AGAP1: variants seen among roughly 807,000 people sequenced by gnomAD.
AGAP1 encodes the protein ArfGAP with GTPase domain, ankyrin repeat and PH domain 1.
A neutral mutation model predicts 105.3 loss-of-function variants in AGAP1; 29 were observed. The ratio of observed to expected loss-of-function variants is 0.28; its 90% CI spans 0.21 to 0.38. The LOEUF is 0.38. Ranked by LOEUF, AGAP1 falls within the 10% of genes least tolerant of loss-of-function variation. AGAP1 has a pLI of 1.00. For missense variants in AGAP1, 998 were observed against 1,165.1 expected (o/e 0.86, Z 2.09); for synonymous variants, 509 against 485.9 (o/e 1.05, Z -0.63).
intron 11 of AGAP1, among the ~76,000 whole-genome samples, chr2:235,915,540 C>T (rs1032669695): frequency 6.6e-6 from 1 of 151,974 alleles, no homozygotes; most frequent in Non-Finnish European, 1.5e-5. Context: ...TTTAGCTGGG[C>T]ATAGTGGCGA....
At chr2:235,502,923 C>T (rs1349428790) in intron 1 of AGAP1, among the ~76,000 whole-genome samples, 3 of 132,502 alleles carry the variant, frequency 2.3e-5, no homozygotes, top group Admixed American at 8.4e-5. Flanking sequence ...CAGAACCGTA[C>T]CTTTAGAAAG....
intron 1 of AGAP1, among the ~76,000 whole-genome samples, chr2:235,594,720 T>C (rs553308696): frequency 6.6e-6 from 1 of 152,002 alleles, no homozygotes; most frequent in African/African-American, 2.4e-5. Flanking sequence ...TACAGATGCA[T>C]GCCACCACAC....
intron 1 of AGAP1, among the ~76,000 whole-genome samples, chr2:235,672,940 C>T (rs1416661594): frequency 6.6e-6 from 1 of 152,038 alleles, no homozygotes; most frequent in African/African-American, 2.4e-5. Flanking sequence ...CTTCTCTGGG[C>T]GGAATTACTT....
intron 13 of AGAP1, among the ~76,000 whole-genome samples, chr2:236,025,908 G>GTTGGTGGGTGGGTGGATGGA (rs1553548818): frequency 1.0e-5 from 1 of 100,314 alleles, no homozygotes; most frequent in Admixed American, 8.8e-5. Flanking sequence ...TCTCGGGTGG[G>GTTGGTGGGTGGGTGGATGGA]TGGATGGATG....
intron 12 of AGAP1, among the ~76,000 whole-genome samples, chr2:235,944,176 A>T (rs1286218061): frequency 6.6e-6 from 1 of 152,240 alleles, no homozygotes; most frequent in Non-Finnish European, 1.5e-5. Context: ...CTTAAATTAT[A>T]TACTTATTTA....
In AGAP1 at chr2:236,095,362, A is replaced by G. The variant is rs2059167135; in HGVS notation, c.2115-24830A>G. Among the ~76,000 whole-genome samples the G allele has an allele frequency of 6.6e-6, 1 of 152,162 alleles. No individual in the cohort carries two copies. The highest frequency in any genetic ancestry group is 6.5e-5 in the Admixed American group (1 of 15,274). On this transcript the variant is annotated intron_variant, in intron 16 of 17. Coordinates refer to ENST00000304032, the MANE Select transcript of AGAP1 (RefSeq NM_001037131.3). The surrounding 1 kb of genome is among the most constrained non-coding windows in gnomAD (Gnocchi z 4.1). ...CAGTGAGCCATGATCATGCCACTGC[A>G]TTCCAGCCTGGTTGACAGAGTTAGA...
At chr2:235,640,013 C>T (rs915943313) in intron 1 of AGAP1, among the ~76,000 whole-genome samples, 18 of 152,190 alleles carry the variant, frequency 1.2e-4, no homozygotes, top group African/African-American at 4.3e-4. Context: ...TCTCAGGAAG[C>T]GGTTAGCAGT....
intron 9 of AGAP1, among the ~76,000 whole-genome samples, chr2:235,839,369 T>C (rs765832237): frequency 3.0e-4 from 46 of 152,318 alleles, no homozygotes; most frequent in Non-Finnish European, 2.8e-4. Context: ...GTCACACTCA[T>C]TGGGCCTGGG....
chr2:236,048,307 G>A (rs1244775955), intron 15 of AGAP1, among the ~76,000 whole-genome samples: 1 of 152,232 alleles, frequency 6.6e-6, no homozygotes, highest in Non-Finnish European at 1.5e-5. Flanking sequence ...GGGTCCCAGT[G>A]CTGCTGTCTG....
intron 6 of AGAP1, among the ~76,000 whole-genome samples, chr2:235,779,006 G>T (rs1047895258): frequency 3.3e-5 from 5 of 152,174 alleles, no homozygotes; most frequent in Non-Finnish European, 7.3e-5. Context: ...TACAGATAAG[G>T]AAACTGAGCC....
rs768796507 is a variant in AGAP1 at position 236,002,797 on chromosome 2, A to G, written c.1646-33764A>G. 3.7e-4 allele frequency among the ~76,000 whole-genome samples: 56 copies of G among 152,194 alleles called. No individual in the cohort carries two copies. Among genetic ancestry groups the G allele is most frequent in the Admixed American group, 1.3e-3 (20 of 15,268 alleles). ...AATTCATTATTAGATTTCTATAAATATAAATATTTATATGATATTTCTTGC... is the reference window on the plus strand; with the variant it reads ...AATTCATTATTAGATTTCTATAAATGTAAATATTTATATGATATTTCTTGC... On this transcript the variant is annotated intron_variant, in intron 13 of 17. Transcript: ENST00000304032. The surrounding 1 kb of genome is among the most constrained non-coding windows in gnomAD (Gnocchi z 4.3).
At chr2:236,043,097 C>T (rs904832463) in intron 15 of AGAP1, among the ~76,000 whole-genome samples, 1 of 152,234 alleles carries the variant, frequency 6.6e-6, no homozygotes, top group Non-Finnish European at 1.5e-5. Context: ...AGATGTAGCA[C>T]ATTGGCAAGG....
chr2:235,679,355 T>G (rs144175523), intron 1 of AGAP1, among the ~76,000 whole-genome samples: 1 of 152,310 alleles, frequency 6.6e-6, no homozygotes, highest in East Asian at 1.9e-4. Flanking sequence ...GCATTTATAG[T>G]TACTATGAGA....
chr2:235,847,745 G>A (rs536591277), intron 9 of AGAP1, among the ~76,000 whole-genome samples: 3 of 152,260 alleles, frequency 2.0e-5, no homozygotes, highest in Non-Finnish European at 2.9e-5. Flanking sequence ...TCTCGTACAC[G>A]ACGCCTAACG....
intron 16 of AGAP1, among the ~76,000 whole-genome samples, chr2:236,107,386 G>T (rs2059526523): frequency 6.6e-6 from 1 of 152,188 alleles, no homozygotes; most frequent in African/African-American, 2.4e-5. Flanking sequence ...TCCCTGCCGG[G>T]CTGCTGTGGG....
chr2:235,698,158 CA>C (rs1276827103), intron 1 of AGAP1, among the ~76,000 whole-genome samples: 1 of 152,116 alleles, frequency 6.6e-6, no homozygotes, highest in African/African-American at 2.4e-5. Context: ...GTGTGGTTCA[CA>C]GTGGAGCTTG....
intron 9 of AGAP1, among the ~76,000 whole-genome samples, chr2:235,814,112 G>C (rs999484652): frequency 1.7e-4 from 26 of 152,326 alleles, no homozygotes; most frequent in Non-Finnish European, 1.5e-5. Flanking sequence ...AGGATGGGGG[G>C]AGTGGCAGGC....
At chr2:235,539,814 A>C (rs1156622753) in intron 1 of AGAP1, among the ~76,000 whole-genome samples, 1 of 152,176 alleles carries the variant, frequency 6.6e-6, no homozygotes, top group African/African-American at 2.4e-5. Context: ...CGAGAGACAG[A>C]AAGGATAGGA....
rs547431729 is a variant in AGAP1, at chr2:235,908,298, G to A, written c.1156-440G>A. Among the ~76,000 whole-genome samples, 17 of 152,294 alleles carry A rather than the reference G, an allele frequency of 1.1e-4. No homozygotes were observed. The highest frequency in any genetic ancestry group is 3.4e-3 in the Middle Eastern group (1 of 294). On this transcript the variant is annotated intron_variant, in intron 10 of 17. Transcript: ENST00000304032. The surrounding 1 kb of genome is among the most constrained non-coding windows in gnomAD (Gnocchi z 4.4). ...TTTTCACCTGATTTTTCACCAGAGA[G>A]CTTCAGTCTTATCTAGATTTTAATG...
Sources: allele counts gnomAD v4.1 joint callset (sites outside exome capture counted in the v4.1 genomes callset), GRCh38; gene constraint gnomAD v4.1.1; non-coding constraint Gnocchi (gnomAD v3.1); transcripts MANE v1.5; gene names NCBI Gene and HGNC (gene_info 2026-07-23, HGNC 2026-07-21).